PALB2: variants seen among roughly 807,000 people sequenced by gnomAD.
PALB2 encodes the protein mutant partner and localizer of BRCA2.
In PALB2, 82 loss-of-function variants were observed where a neutral mutation model predicts 107.4. The ratio of observed to expected loss-of-function variants is 0.76; its 90% CI spans 0.64 to 0.92. The LOEUF (loss-of-function observed/expected upper bound fraction) is 0.92. Among genes scored for constraint, PALB2 ranks in the 40% least tolerant of loss-of-function variants. The probability of loss-of-function intolerance (pLI) is 0.00; values close to 1 mark genes in which losing one functional copy is unlikely to be tolerated. For missense variants in PALB2, 1,374 were observed against 1,379.9 expected (o/e 1.00, Z 0.07); for synonymous variants, 489 against 496.8 (o/e 0.98, Z 0.21).
chr16:23,634,637 A>ATTTT (rs1385398441), intron 4 of PALB2, among the ~76,000 whole-genome samples: 1 of 139,200 alleles, frequency 7.2e-6, no homozygotes, highest in African/African-American at 2.7e-5. Context: ...CTGTCTCTTT[A>ATTTT]TTTTTATTTA....
At chr16:23,640,683 CA>C in intron 1 of PALB2, 1 of 251,760 alleles carries the variant, frequency 4.0e-6, no homozygotes, top group Non-Finnish European at 7.7e-6. Context: ...TTCCCTTCTC[CA>C]AAAAATATAC....
chr16:23,627,844 T>C (rs1418062500), intron 6 of PALB2, among the ~76,000 whole-genome samples: 1 of 152,210 alleles, frequency 6.6e-6, no homozygotes, highest in Non-Finnish European at 1.5e-5. Context: ...TAATTACATA[T>C]ACACAGATTT....
At chr16:23,627,425 T>G (rs1401249880) in intron 6 of PALB2, among the ~76,000 whole-genome samples, 2 of 147,368 alleles carry the variant, frequency 1.4e-5, no homozygotes, top group Middle Eastern at 3.5e-3. Flanking sequence ...AAGCGGAGCT[T>G]GCAGTGAGCC....
Position 23,610,457 on chromosome 16 carries a change from C to T in PALB2, c.3202-2445G>A, listed in dbSNP as rs1407464275. ...CCAACTAACTGGGACTACAGGTGCG[C>T]ACCACCATGCCCAGCTAATTTTTGT... On this transcript the variant is annotated intron_variant, in intron 11 of 12. Transcript: ENST00000261584. Among the ~76,000 whole-genome samples, 3 of 151,652 alleles carry T rather than the reference C, an allele frequency of 2.0e-5. No homozygotes were observed. In the East Asian group the frequency reaches 5.9e-4, roughly 30 times the overall value.
In PALB2 at chr16:23,613,946, T is replaced by C. The variant is rs1489051337; in HGVS notation, c.3201+58A>G. The C allele has an allele frequency of 5.4e-6, 7 of 1,293,704 alleles. No homozygotes were observed. The African/African-American group carries it at 7.3e-5, about 14-fold the overall frequency. 80.1% of individuals were successfully genotyped at this position (1,293,704 alleles called of 1,614,324 possible). On this transcript the variant is annotated intron_variant, in intron 11 of 12. Coordinates refer to ENST00000261584, the MANE Select transcript of PALB2 (RefSeq NM_024675.4). ...TTCATTACTGCTTATGACTTACTGC[T>C]CTCACTTAATGAGACCAACAGTAAC...
intron 12 of PALB2, among the ~76,000 whole-genome samples, chr16:23,604,880 C>T (rs1448643349): frequency 6.6e-6 from 1 of 152,064 alleles, no homozygotes; most frequent in Non-Finnish European, 1.5e-5. Context: ...TCACGACTAG[C>T]CTGGCCAACA....
intron 6 of PALB2, among the ~76,000 whole-genome samples, chr16:23,628,803 T>A (rs1966852319): frequency 6.6e-6 from 1 of 152,076 alleles, no homozygotes; most frequent in Admixed American, 6.6e-5. Flanking sequence ...CCGGCTAATT[T>A]TTGTATTTTT....
chr16:23,622,843 G>T, intron 9 of PALB2, 126 bp downstream of exon 9: 3 of 1,040,326 alleles, frequency 2.9e-6, no homozygotes, highest in Non-Finnish European at 4.4e-6. Flanking sequence ...TAGTGTTGAT[G>T]CGGTACATGC....
At chr16:23,640,164 T>G (rs1029448506) in intron 1 of PALB2, 1 of 171,380 alleles carries the variant, frequency 5.8e-6, no homozygotes, top group Non-Finnish European at 1.3e-5. Context: ...GTGCGGGGAT[T>G]ACAGGCGTGA....
rs876659587 is a variant in PALB2 at position 23,607,982 on chromosome 16, A to T, written c.3232T>A (p.Cys1078Ser). 4 of 1,613,972 alleles carry T rather than the reference A, an allele frequency of 2.5e-6. No individual in the cohort carries two copies. Among genetic ancestry groups the T allele is most frequent in the Admixed American group, 1.7e-5 (1 of 59,990 alleles). ...CGCAACGACTCACTCTCTTTGGCACAGGGATGACTCAGGACAATAAAGAGA... is the reference window on the plus strand; with the variant it reads ...CGCAACGACTCACTCTCTTTGGCACTGGGATGACTCAGGACAATAAAGAGA... ...GLLFIVLSHPCAKESESLRSP... is the reference protein window; with the variant it reads ...GLLFIVLSHPSAKESESLRSP... Residue 1078 changes from cysteine to serine, a missense_variant, in exon 12 of 13, where the codon TGT becomes AGT. Cys to Ser is a moderately radical substitution (Grantham distance 112, BLOSUM62 -1). Coordinates refer to ENST00000261584, the MANE Select transcript of PALB2 (RefSeq NM_024675.4).
chr16:23,610,695 G>A (rs779674330), intron 11 of PALB2, among the ~76,000 whole-genome samples: 4 of 151,946 alleles, frequency 2.6e-5, no homozygotes, highest in Non-Finnish European at 4.4e-5. Flanking sequence ...ATATCAAGTG[G>A]GTATTGATGT....
At chr16:23,634,284 A>G (rs1966927878) in intron 4 of PALB2, among the ~76,000 whole-genome samples, 1 of 152,222 alleles carries the variant, frequency 6.6e-6, no homozygotes, top group Admixed American at 6.5e-5. Flanking sequence ...TAAAGTGAGA[A>G]TGAAAATAGA....
At position 23,635,504 on chromosome 16, in the gene PALB2, G is replaced by T. The variant is rs375699023; in HGVS notation, c.1042C>A (p.Gln348Lys). ...PANENQNLKEQNQTEKSLKSP... is the reference protein window; with the variant it reads ...PANENQNLKEKNQTEKSLKSP... ...TTTAAAGATTTCTCTGTTTGATTTT[G>T]TTCTTTTAAGTTTTGGTTTTCATTT... Residue 348 changes from glutamine to lysine, a missense_variant, in exon 4 of 13, where the codon CAA becomes AAA. Gln to Lys is a moderately conservative substitution (Grantham distance 53). Transcript: ENST00000261584. The T allele has an allele frequency of 3.0e-5, 49 of 1,613,732 alleles. No individual in the cohort carries two copies. The highest frequency in any genetic ancestry group is 4.2e-5 in the Non-Finnish European group (49 of 1,179,912).
chr16:23,614,654 T>TA (rs1966648548), intron 10 of PALB2, among the ~76,000 whole-genome samples: 1 of 143,564 alleles, frequency 7.0e-6, no homozygotes, highest in African/African-American at 2.6e-5. Flanking sequence ...GCTTTTTTTT[T>TA]TTTTTTTTTT....
chr16:23,616,360 G>A (rs1966684630), intron 10 of PALB2, among the ~76,000 whole-genome samples: 2 of 152,186 alleles, frequency 1.3e-5, no homozygotes, highest in Non-Finnish European at 1.5e-5. Context: ...GCCAGATACT[G>A]TGTATAAAAA....
At position 23,612,264 on chromosome 16, in the gene PALB2, C is replaced by T. The variant is rs571404702; in HGVS notation, c.3201+1740G>A. 5.9e-5 allele frequency among the ~76,000 whole-genome samples: 9 copies of T among 152,190 alleles called. No individual in the cohort carries two copies. In the South Asian group the frequency reaches 1.9e-3, roughly 32 times the overall value. On this transcript the variant is annotated intron_variant, in intron 11 of 12. Transcript: ENST00000261584. ...TTGAGACAGAGTCTTGCTCTGTCAC[C>T]CAGGGTGCAGTGGCACGATCTCGGC...
intron 3 of PALB2, 95 bp from the exon 4 acceptor site, chr16:23,636,429 A>C: frequency 2.5e-6 from 2 of 805,758 alleles, no homozygotes; most frequent in South Asian, 2.0e-5. Flanking sequence ...ATACTACTAA[A>C]CATTTATTTA....
rs1567216673 is a variant in PALB2 at position 23,629,117 on chromosome 16, CAAGAAG to C, written c.2586+81_2586+86del. 6 of 1,023,334 alleles carry C rather than the reference CAAGAAG, an allele frequency of 5.9e-6. No individual in the cohort carries two copies. The Admixed American group carries it at 1.0e-4, about 18-fold the overall frequency. The allele number at this position is 1,023,334 out of a possible 1,614,324, so 63.4% of individuals were successfully genotyped here. ...CAATATCTTTAATAGTATTAAAGAA[CAAGAAG>C]CTATATGACTGAATTCTTTTCAGTT... On this transcript the variant is annotated intron_variant, in intron 6 of 12. Transcript: ENST00000261584.
At chr16:23,640,002 CAGCCTCTGAGGCCTG>C in intron 1 of PALB2, among the ~76,000 whole-genome samples, 1 of 152,162 alleles carries the variant, frequency 6.6e-6, no homozygotes, top group Admixed American at 6.5e-5. Context: ...TCTCGTGCAT[CAGCCTCTGAGGCCTG>C]AGCCTCTGGG....
Sources: allele counts gnomAD v4.1 joint callset (sites outside exome capture counted in the v4.1 genomes callset), GRCh38; gene constraint gnomAD v4.1.1; transcripts MANE v1.5; gene names NCBI Gene and HGNC (gene_info 2026-07-23, HGNC 2026-07-21).